The following RHOBTB3 variants were observed in gnomAD, a reference collection of about 807,000 sequenced individuals.
RHOBTB3 encodes rho-related BTB domain-containing protein 3.
RHOBTB3 carries 47 observed loss-of-function variants against 67.2 expected under a neutral mutation model. The observed-to-expected ratio is 0.70, with a 90% CI of 0.55 to 0.89. The LOEUF (loss-of-function observed/expected upper bound fraction) is 0.89, where lower values mean the gene tolerates loss of function less well. RHOBTB3 is among the 40% of genes least tolerant of loss of function. RHOBTB3 has a pLI of 0.00. For synonymous variants in RHOBTB3, 273 were observed against 274.2 expected (o/e 1.00, Z 0.04); for missense variants, 631 against 750.0 (o/e 0.84, Z 1.85).
At chr5:95,723,898 T>A (rs1439842048) in intron 1 of RHOBTB3, among the ~76,000 whole-genome samples, 1 of 152,198 alleles carries the variant, frequency 6.6e-6, no homozygotes, top group Admixed American at 6.5e-5. Flanking sequence ...GGAAAAAATG[T>A]GAGCACACTC....
At chr5:95,741,470 C>G (rs1430799475) in intron 3 of RHOBTB3, among the ~76,000 whole-genome samples, 1 of 148,528 alleles carries the variant, frequency 6.7e-6, no homozygotes, top group East Asian at 2.0e-4. Context: ...AAATATTACA[C>G]ATTACATTTA....
At chr5:95,779,327 G>A (rs1745982190) in intron 8 of RHOBTB3, among the ~76,000 whole-genome samples, 1 of 152,028 alleles carries the variant, frequency 6.6e-6, no homozygotes, top group African/African-American at 2.4e-5. Context: ...TCCTCTTTGT[G>A]TCTTCAATTC....
chr5:95,783,895 C>G lies in RHOBTB3; in HGVS notation c.1555C>G (p.Gln519Glu). 6.2e-7 allele frequency: 1 copy of G among 1,613,934 alleles called. No individual in the cohort carries two copies. The highest frequency in any genetic ancestry group is 8.5e-7 in the Non-Finnish European group (1 of 1,179,864). ...ICELFIITQL[Q>E]SMPSRELASM... ...TGAGCTGTTCATCATTACCCAGCTGCAGAGCATGCCAAGCAGGGAACTGGC... is the reference window on the plus strand; with the variant it reads ...TGAGCTGTTCATCATTACCCAGCTGGAGAGCATGCCAAGCAGGGAACTGGC... The change falls in exon 10 of 12, where the codon CAG (glutamine) becomes GAG (glutamate). Residue 519 changes from glutamine (Q) to glutamate (E), a missense_variant. Coordinates refer to ENST00000379982, the MANE Select transcript of RHOBTB3 (RefSeq NM_014899.4).
intron 3 of RHOBTB3, among the ~76,000 whole-genome samples, chr5:95,744,153 G>C (rs17085041): frequency 0.016 from 2,442 of 151,948 alleles, 60 homozygotes; most frequent in African/African-American, 0.056. Flanking sequence ...TCACAGTGTG[G>C]GCTTAGCTTT....
At chr5:95,772,482 T>C (rs538284168) in intron 8 of RHOBTB3, among the ~76,000 whole-genome samples, 15 of 152,190 alleles carry the variant, frequency 9.9e-5, no homozygotes, top group Non-Finnish European at 1.3e-4. Context: ...TAGACCTTTG[T>C]CTGCTCTTTT....
rs771554966 is a variant in RHOBTB3 at position 95,768,148 on chromosome 5, G to A, written c.1264G>A (p.Val422Ile). Residue 422 changes from valine (V) to isoleucine (I), a missense_variant, in exon 8 of 12, where the codon GTT becomes ATT. By Grantham distance (29) the Val-to-Ile change is conservative. Coordinates refer to ENST00000379982, the MANE Select transcript of RHOBTB3 (RefSeq NM_014899.4). ...CCTTAATAAGCCGATGCTTGCCGAT[G>A]TTGTCTTCGAAATTCAAGGTACGGA... Reference protein sequence around the residue: ...FFLNKPMLADVVFEIQGTTVP... With the variant: ...FFLNKPMLADIVFEIQGTTVP... 6 of 1,612,400 alleles carry A rather than the reference G, an allele frequency of 3.7e-6. No individual in the cohort carries two copies. The highest frequency in any genetic ancestry group is 2.2e-5 in the East Asian group (1 of 44,862).
In RHOBTB3 at chr5:95,734,227, T is replaced by C. The variant is rs1755392634; in HGVS notation, c.228+2143T>C. On this transcript the variant is annotated intron_variant, in intron 2 of 11. Coordinates refer to ENST00000379982, the MANE Select transcript of RHOBTB3 (RefSeq NM_014899.4). ...GTACCAGTACACTGGGGCAGCGATG[T>C]TCATACTTCATACATGCAGCCCCAC... Among the ~76,000 whole-genome samples the C allele has an allele frequency of 2.0e-5, 3 of 152,326 alleles. No homozygotes were observed. In the South Asian group the frequency reaches 6.2e-4, roughly 32 times the overall value.
intron 7 of RHOBTB3, among the ~76,000 whole-genome samples, chr5:95,764,655 C>T (rs1374235819): frequency 2.0e-5 from 3 of 152,056 alleles, no homozygotes; most frequent in Non-Finnish European, 4.4e-5. Flanking sequence ...CAATACTTAG[C>T]GGAGTAAAGG....
intron 6 of RHOBTB3, among the ~76,000 whole-genome samples, chr5:95,758,157 T>C (rs1745300892): frequency 6.6e-6 from 1 of 152,214 alleles, no homozygotes; most frequent in Non-Finnish European, 1.5e-5. Context: ...TAGCTAGATG[T>C]ATCTCCAGTG....
At position 95,783,791 on chromosome 5, in the gene RHOBTB3, C is replaced by T; in HGVS notation, c.1457-6C>T. ...CCACTTTCTCTCATGTCCCTTTTCTCATCAGCTGGCATATTCCAGGCCATG... is the reference window on the plus strand; with the variant it reads ...CCACTTTCTCTCATGTCCCTTTTCTTATCAGCTGGCATATTCCAGGCCATG... On this transcript the variant is annotated splice_region_variant and splice_polypyrimidine_tract_variant and intron_variant, in intron 9 of 11. Transcript: ENST00000379982. The T allele has an allele frequency of 1.9e-6, 3 of 1,602,924 alleles. No homozygotes were observed. The highest frequency in any genetic ancestry group is 2.6e-6 in the Non-Finnish European group (3 of 1,172,464).
rs530731671 is a variant in RHOBTB3, at chr5:95,747,249, A to C, written c.416-1084A>C. On this transcript the variant is annotated intron_variant, in intron 3 of 11. Coordinates refer to ENST00000379982, the MANE Select transcript of RHOBTB3 (RefSeq NM_014899.4). ...AGGAACAACTCTAAAAGGCCATCTA[A>C]GCTCCAGAGCCCCCTGTAGGATCAG... 3.9e-5 allele frequency among the ~76,000 whole-genome samples: 6 copies of C among 152,290 alleles called. No homozygotes were observed. The South Asian group carries it at 1.0e-3, about 26-fold the overall frequency.
At chr5:95,782,685 C>T (rs932282865) in intron 9 of RHOBTB3, 3 of 152,092 alleles carry the variant, frequency 2.0e-5, no homozygotes, top group African/African-American at 4.8e-5. Context: ...TGGTGGGCGC[C>T]TGTGCTCCCA....
At position 95,732,061 on chromosome 5, in the gene RHOBTB3, G is replaced by C; in HGVS notation, c.205G>C (p.Val69Leu). The change falls in exon 2 of 12, where the codon GTG (valine) becomes CTG (leucine). Residue 69 changes from valine (V) to leucine (L), a missense_variant. By Grantham distance (32) the Val-to-Leu change is conservative. Coordinates refer to ENST00000379982, the MANE Select transcript of RHOBTB3 (RefSeq NM_014899.4). ...QASAFGNVKL[V>L]VHDCPVWDIF... ...CAGTGCGTTTGGGAATGTCAAGCTG[G>C]TGGTCCACGACTGTCCCGTCTGGGT... 1 of 1,614,228 alleles carries C rather than the reference G, an allele frequency of 6.2e-7. No individual in the cohort carries two copies. The highest frequency in any genetic ancestry group is 1.1e-5 in the South Asian group (1 of 91,090).
chr5:95,773,282 G>A (rs992533822), intron 8 of RHOBTB3, among the ~76,000 whole-genome samples: 1 of 152,172 alleles, frequency 6.6e-6, no homozygotes, highest in Non-Finnish European at 1.5e-5. Context: ...GGATGTCTGT[G>A]CTGATGATGT....
In RHOBTB3 at chr5:95,752,196, T is replaced by C. The variant is rs201860023; in HGVS notation, c.571-43T>C. 1.0e-5 allele frequency: 12 copies of C among 1,173,864 alleles called. No individual in the cohort carries two copies. In the East Asian group the frequency reaches 1.7e-4, roughly 16 times the overall value. The allele number at this position is 1,173,864 out of a possible 1,614,324, so 72.7% of individuals were successfully genotyped here. On this transcript the variant is annotated intron_variant, in intron 4 of 11. Coordinates refer to ENST00000379982, the MANE Select transcript of RHOBTB3 (RefSeq NM_014899.4). ...GATGCAAATTTTCATGTTGGATATATAGTTTTGTTGGATCTTCAATTAAAA... is the reference window on the plus strand; with the variant it reads ...GATGCAAATTTTCATGTTGGATATACAGTTTTGTTGGATCTTCAATTAAAA...
chr5:95,783,539 A>AAC (rs1451768889), intron 9 of RHOBTB3: 1 of 211,844 alleles, frequency 4.7e-6, no homozygotes, highest in Non-Finnish European at 9.2e-6. Context: ...CAGCCTGGGC[A>AAC]ACATAGTGAG....
chr5:95,767,337 T>A (rs1462660702), intron 7 of RHOBTB3, among the ~76,000 whole-genome samples: 1 of 120,200 alleles, frequency 8.3e-6, no homozygotes, highest in East Asian at 2.0e-4. Context: ...GTTGTATTTT[T>A]CTTTCTTTTT....
chr5:95,780,571 G>A, intron 9 of RHOBTB3, 146 bp downstream of exon 9: 1 of 723,604 alleles, frequency 1.4e-6, no homozygotes, highest in Non-Finnish European at 2.3e-6. Flanking sequence ...AGGTGGTGCT[G>A]GAACAACAAT....
chr5:95,722,797 C>T (rs895657217), intron 1 of RHOBTB3, among the ~76,000 whole-genome samples: 3 of 152,166 alleles, frequency 2.0e-5, no homozygotes, highest in African/African-American at 7.2e-5. Flanking sequence ...AGAGTCTTAT[C>T]GCTTTTCAAG....
Sources: gnomAD v4.1 joint callset for allele counts (sites outside exome capture counted in the v4.1 genomes callset) on GRCh38, gnomAD v4.1.1 for gene constraint, MANE v1.5 for transcripts, NCBI Gene and HGNC (gene_info 2026-07-23, HGNC 2026-07-21) for gene names.